Variants in SDK1 observed in about 807,000 individuals in gnomAD.
SDK1 encodes protein sidekick-1.
A neutral mutation model predicts 245.5 loss-of-function variants in SDK1; 157 were observed. That is an observed-to-expected ratio of 0.64 (90% CI 0.56 to 0.73). The LOEUF (loss-of-function observed/expected upper bound fraction) is 0.73. Among genes scored for constraint, SDK1 ranks in the 30% least tolerant of loss-of-function variants. The pLI is 0.00. For synonymous variants in SDK1, 1,647 were observed against 1,278.5 expected (o/e 1.29, Z -6.15); for missense variants, 3,583 against 3,002.3 (o/e 1.19, Z -4.52).
intron 1 of SDK1, among the ~76,000 whole-genome samples, chr7:3,558,385 G>A (rs1028150463): frequency 1.3e-5 from 2 of 152,234 alleles, no homozygotes; most frequent in African/African-American, 4.8e-5. Context: ...GGAATCATTG[G>A]TGGTTTCCAG....
At chr7:3,895,324 A>G (rs1429828494) in intron 5 of SDK1, among the ~76,000 whole-genome samples, 1 of 152,232 alleles carries the variant, frequency 6.6e-6, no homozygotes, top group Non-Finnish European at 1.5e-5. Flanking sequence ...GAAACACATT[A>G]GAGTCTGGCT....
chr7:4,141,190 G>A (rs1779562468), intron 28 of SDK1, among the ~76,000 whole-genome samples: 1 of 152,218 alleles, frequency 6.6e-6, no homozygotes, highest in African/African-American at 2.4e-5. Context: ...CCACATGATG[G>A]AAGCCTGTGT....
At chr7:3,580,984 A>AAAAAAAAAAAAAC (rs1562578308) in intron 1 of SDK1, among the ~76,000 whole-genome samples, 5 of 139,392 alleles carry the variant, frequency 3.6e-5, no homozygotes, top group African/African-American at 1.1e-4. Flanking sequence ...AAAAAAAAAA[A>AAAAAAAAAAAAAC]AAAAAAAAAA....
chr7:4,155,296 A>G (rs947991777), intron 30 of SDK1, among the ~76,000 whole-genome samples: 13 of 151,790 alleles, frequency 8.6e-5, no homozygotes, highest in Admixed American at 7.2e-4. Flanking sequence ...TTGTTGAATG[A>G]AGTGAGTCCG....
In SDK1 at chr7:4,224,381, A is replaced by T. The variant is rs555387305; in HGVS notation, c.5827+3017A>T. 1.1e-3 allele frequency among the ~76,000 whole-genome samples: 162 copies of T among 152,320 alleles called. 2 individuals carry two copies. Among genetic ancestry groups the T allele is most frequent in the African/African-American group, 3.5e-3 (145 of 41,572 alleles). ...CGGCACGCCACATGGCTGGGGCAGG[A>T]GGAAGAGAGTGAGTGGGGAGGTGCC... On this transcript the variant is annotated intron_variant, in intron 40 of 44. Transcript: ENST00000404826.
intron 5 of SDK1, among the ~76,000 whole-genome samples, chr7:3,922,206 G>C (rs1444006653): frequency 6.7e-6 from 1 of 148,908 alleles, no homozygotes; most frequent in East Asian, 1.9e-4. Context: ...CTGATTGGCA[G>C]ATTCCCACCA....
intron 5 of SDK1, among the ~76,000 whole-genome samples, chr7:3,884,086 T>TG (rs1229007186): frequency 2.3e-4 from 23 of 99,948 alleles, no homozygotes; most frequent in South Asian, 1.4e-3. Context: ...TTTTTTTGTT[T>TG]TTTTTTTTTT....
chr7:3,639,511 A>G (rs1020674548), intron 3 of SDK1, among the ~76,000 whole-genome samples: 3 of 152,236 alleles, frequency 2.0e-5, no homozygotes, highest in Non-Finnish European at 2.9e-5. Flanking sequence ...ATTTGTTTAG[A>G]AATCATGCTG....
chr7:3,700,779 A>T (rs997320582), intron 4 of SDK1, among the ~76,000 whole-genome samples: 1 of 152,296 alleles, frequency 6.6e-6, no homozygotes, highest in Non-Finnish European at 1.5e-5. Flanking sequence ...ATTCATCTAT[A>T]CTTTTGCACT....
intron 1 of SDK1, among the ~76,000 whole-genome samples, chr7:3,606,312 T>A (rs979426892): frequency 2.0e-5 from 3 of 152,218 alleles, no homozygotes; most frequent in Non-Finnish European, 4.4e-5. Flanking sequence ...ATGACCGTCC[T>A]TTCTCATCTG....
chr7:3,549,522 C>G (rs935498323), intron 1 of SDK1, among the ~76,000 whole-genome samples: 5 of 152,164 alleles, frequency 3.3e-5, no homozygotes, highest in Non-Finnish European at 2.9e-5. Context: ...TTACAGTATT[C>G]AGTGTGAAGT....
chr7:3,801,393 C>G (rs1277088537), intron 4 of SDK1, among the ~76,000 whole-genome samples: 3 of 152,158 alleles, frequency 2.0e-5, no homozygotes, highest in Non-Finnish European at 4.4e-5. Context: ...TTTCATGACC[C>G]TAGAGTCTAC....
chr7:3,992,047 C>A (rs927085174), intron 14 of SDK1, among the ~76,000 whole-genome samples: 1 of 152,236 alleles, frequency 6.6e-6, no homozygotes, highest in Non-Finnish European at 1.5e-5. Flanking sequence ...TAGGTCTGTC[C>A]CTCCGGCTAC....
intron 1 of SDK1, among the ~76,000 whole-genome samples, chr7:3,589,841 A>G (rs78588579): frequency 6.6e-6 from 1 of 152,350 alleles, no homozygotes; most frequent in Non-Finnish European, 1.5e-5. Flanking sequence ...GACAAACCAT[A>G]TCAGAAGACA....
intron 13 of SDK1, among the ~76,000 whole-genome samples, chr7:3,986,111 C>T (rs1361393584): frequency 6.6e-6 from 1 of 152,044 alleles, no homozygotes; most frequent in Non-Finnish European, 1.5e-5. Flanking sequence ...CCGGGCAGCT[C>T]ATGGTTTTAA....
chr7:3,529,671 A>T (rs1179392387), intron 1 of SDK1, among the ~76,000 whole-genome samples: 1 of 152,162 alleles, frequency 6.6e-6, no homozygotes, highest in African/African-American at 2.4e-5. Flanking sequence ...GGTAGTTATT[A>T]ATAGACACTA....
intron 1 of SDK1, among the ~76,000 whole-genome samples, chr7:3,469,658 A>G (rs915027805): frequency 1.3e-5 from 2 of 152,166 alleles, no homozygotes; most frequent in African/African-American, 2.4e-5. Flanking sequence ...TGTATTCTCC[A>G]TCTAACGTCT....
intron 35 of SDK1, among the ~76,000 whole-genome samples, chr7:4,182,065 G>A (rs563336089): frequency 6.6e-4 from 100 of 152,222 alleles, no homozygotes; most frequent in Non-Finnish European, 1.2e-3. Context: ...GATTACAGGC[G>A]CCCGCCACCA....
At chr7:3,883,714 C>A (rs1781263998) in intron 5 of SDK1, among the ~76,000 whole-genome samples, 1 of 151,524 alleles carries the variant, frequency 6.6e-6, no homozygotes, top group African/African-American at 2.4e-5. Flanking sequence ...CCCTCCCTCC[C>A]TCCCATTGTC....
Sources: allele counts gnomAD v4.1 joint callset (sites outside exome capture counted in the v4.1 genomes callset), GRCh38; gene constraint gnomAD v4.1.1; transcripts MANE v1.5; gene names NCBI Gene and HGNC (gene_info 2026-07-23, HGNC 2026-07-21).